Variants in ROBO2 observed in about 807,000 individuals in gnomAD.
The protein encoded by ROBO2 is roundabout guidance receptor 2.
ROBO2 carries 53 observed loss-of-function variants against 160.8 expected under a neutral mutation model. The ratio of observed to expected loss-of-function variants is 0.33; its 90% confidence interval spans 0.26 to 0.41. ROBO2 has a LOEUF of 0.41. Among genes scored for constraint, ROBO2 ranks in the 10% least tolerant of loss-of-function variants. The pLI is 1.00. For missense variants in ROBO2, 1,577 were observed against 1,722.4 expected, an observed-to-expected ratio of 0.92 and a Z score of 1.49; for synonymous variants, 664 against 611.7, an observed-to-expected ratio of 1.09 and a Z score of -1.26.
chr3:76,075,085 G>A (rs966536217), intron 2 of ROBO2, among the ~76,000 whole-genome samples: 17 of 151,994 alleles, frequency 1.1e-4, no homozygotes, highest in African/African-American at 3.9e-4. Context: ...TATTTATCCT[G>A]CTGAGTTCTT....
intron 2 of ROBO2, among the ~76,000 whole-genome samples, chr3:77,366,204 T>C (rs2070846170): frequency 6.6e-6 from 1 of 152,182 alleles, no homozygotes; most frequent in African/African-American, 2.4e-5. Flanking sequence ...TTTTAGAGAA[T>C]GTGACTAATC....
Position 77,488,009 on chromosome 3 carries a change from C to T in ROBO2, c.668-5235C>T, listed in dbSNP as rs76176145. Among the ~76,000 whole-genome samples, 246 of 152,238 alleles carry T rather than the reference C, an allele frequency of 1.6e-3. 3 individuals are homozygous for T. The East Asian group carries it at 0.032, about 20-fold the overall frequency. On this transcript the variant is annotated intron_variant, in intron 4 of 25. Coordinates refer to ENST00000461745, the Ensembl canonical transcript of ROBO2. ...TAACTTAAGAGATACTATGCAACCACATTTCAGATTTATGGTATTTTGTGT... is the reference window on the plus strand; with the variant it reads ...TAACTTAAGAGATACTATGCAACCATATTTCAGATTTATGGTATTTTGTGT...
At position 76,644,207 on chromosome 3, in the gene ROBO2, C is replaced by A. The variant is rs114928733; in HGVS notation, c.110-453807C>A. The stretch of plus-strand genomic sequence containing the variant: ...AGGCTGCAGTAGCCCTGAGCACATT[C>A]CCTTAGCTTCTGCAGGAAAACCCTG... On this transcript the variant is annotated intron_variant, in intron 2 of 26. Coordinates refer to the ROBO2 transcript ENST00000487694. Among the ~76,000 whole-genome samples, 647 of 152,264 alleles carry A rather than the reference C, an allele frequency of 4.2e-3. 4 individuals carry two copies. The highest frequency in any genetic ancestry group is 0.015 in the African/African-American group (627 of 41,542).
intron 2 of ROBO2, among the ~76,000 whole-genome samples, chr3:76,185,356 C>T (rs1484158987): frequency 6.6e-6 from 1 of 151,332 alleles, no homozygotes; most frequent in Non-Finnish European, 1.5e-5. Flanking sequence ...TGATTACTTG[C>T]AAAATTAAAT....
chr3:77,338,343 C>T (rs1483737000), intron 2 of ROBO2, among the ~76,000 whole-genome samples: 3 of 152,134 alleles, frequency 2.0e-5, no homozygotes, highest in Admixed American at 6.5e-5. Flanking sequence ...GTCAGACTTT[C>T]AACACGTAGT....
intron 2 of ROBO2, among the ~76,000 whole-genome samples, chr3:76,199,882 C>T (rs1702438689): frequency 6.6e-6 from 1 of 152,146 alleles, no homozygotes; most frequent in Non-Finnish European, 1.5e-5. Flanking sequence ...TTTCTTTACT[C>T]ACTGGCCCAC....
intron 1 of ROBO2, among the ~76,000 whole-genome samples, chr3:77,052,316 T>C (rs1434773840): frequency 6.6e-6 from 1 of 152,162 alleles, no homozygotes. Flanking sequence ...TTTTGGAGCC[T>C]GAGGGGATGA....
At chr3:77,308,382 C>T (rs1034100243) in intron 2 of ROBO2, among the ~76,000 whole-genome samples, 11 of 151,674 alleles carry the variant, frequency 7.3e-5, no homozygotes, top group African/African-American at 2.7e-4. Context: ...CCAAGGGCAT[C>T]GTCAGGTGTT....
At chr3:77,609,093 T>C (rs565174245) in intron 21 of ROBO2, among the ~76,000 whole-genome samples, 271 of 151,956 alleles carry the variant, frequency 1.8e-3, no homozygotes, top group African/African-American at 6.1e-3. Flanking sequence ...ATGCATTATA[T>C]ATGTATACAC....
intron 2 of ROBO2, among the ~76,000 whole-genome samples, chr3:76,046,583 G>A (rs1348971737): frequency 6.6e-6 from 1 of 151,944 alleles, no homozygotes; most frequent in Non-Finnish European, 1.5e-5. Context: ...GGGAGGCGGA[G>A]CTTGCAGTGA....
chr3:77,597,149 A>G (rs533475783), intron 19 of ROBO2, among the ~76,000 whole-genome samples: 1 of 152,168 alleles, frequency 6.6e-6, no homozygotes, highest in South Asian at 2.1e-4. Flanking sequence ...ACTTGGCACT[A>G]TGGAAGACCA....
chr3:76,554,623 A>C (rs2083600959), intron 2 of ROBO2, among the ~76,000 whole-genome samples: 1 of 150,416 alleles, frequency 6.6e-6, no homozygotes, highest in African/African-American at 2.4e-5. Context: ...CCTTTACTTT[A>C]CTGTGTGTCC....
intron 2 of ROBO2, among the ~76,000 whole-genome samples, chr3:76,763,893 A>G (rs919050873): frequency 6.6e-6 from 1 of 151,766 alleles, no homozygotes; most frequent in Admixed American, 6.6e-5. Context: ...TGCTCTTGCT[A>G]TACTATTGTC....
intron 13 of ROBO2, 114 bp from the exon 15 acceptor site, chr3:77,574,385 C>T: frequency 4.8e-6 from 4 of 835,110 alleles, no homozygotes; most frequent in South Asian, 2.9e-5. Flanking sequence ...GTCATGACAT[C>T]ACTCAGTTGA....
intron 2 of ROBO2, among the ~76,000 whole-genome samples, chr3:76,211,580 C>A (rs1703147950): frequency 1.3e-5 from 2 of 152,028 alleles, no homozygotes; most frequent in African/African-American, 2.4e-5. Flanking sequence ...ACAAGCAATG[C>A]TTTTTAGCAT....
At chr3:75,976,488 G>A (rs1159972787) in intron 2 of ROBO2, among the ~76,000 whole-genome samples, 3 of 151,506 alleles carry the variant, frequency 2.0e-5, no homozygotes, top group Non-Finnish European at 4.4e-5. Flanking sequence ...AATGTAGAAA[G>A]AAGGGAAATT....
intron 8 of ROBO2, among the ~76,000 whole-genome samples, chr3:77,552,131 T>A (rs2092941994): frequency 6.6e-6 from 1 of 152,080 alleles, no homozygotes; most frequent in African/African-American, 2.4e-5. Flanking sequence ...CATATTTCTT[T>A]AAAAGAATAA....
At chr3:76,627,076 A>G (rs143722345) in intron 2 of ROBO2, among the ~76,000 whole-genome samples, 53 of 152,322 alleles carry the variant, frequency 3.5e-4, no homozygotes, top group Admixed American at 9.8e-4. Flanking sequence ...GGTAGTGGAT[A>G]TATTTCTTGA....
chr3:76,704,192 C>G (rs756124852), intron 2 of ROBO2, among the ~76,000 whole-genome samples: 5 of 151,994 alleles, frequency 3.3e-5, no homozygotes, highest in Non-Finnish European at 7.4e-5. Flanking sequence ...CAACTTCTTC[C>G]CTCATTTATG....
Sources: gnomAD v4.1 joint callset for allele counts (sites outside exome capture counted in the v4.1 genomes callset) on GRCh38, gnomAD v4.1.1 for gene constraint, MANE v1.5 for transcripts, NCBI Gene and HGNC (gene_info 2026-07-23, HGNC 2026-07-21) for gene names.